The following NMNAT2 variants were observed in gnomAD, a reference collection of about 807,000 sequenced individuals.
The protein encoded by NMNAT2 is nicotinamide nucleotide adenylyltransferase 2.
A neutral mutation model predicts 41.6 loss-of-function variants in NMNAT2; 11 were observed. The observed-to-expected ratio is 0.26, with a 90% CI of 0.17 to 0.44. NMNAT2 has a LOEUF of 0.44. Ranked by LOEUF, NMNAT2 falls within the 20% of genes least tolerant of loss-of-function variation. The probability of loss-of-function intolerance (pLI) is 1.00; values close to 1 mark genes in which losing one functional copy is unlikely to be tolerated. For missense variants in NMNAT2, 288 were observed against 407.7 expected (o/e 0.71, Z 2.53); for synonymous variants, 148 against 151.2 (o/e 0.98, Z 0.16).
intron 3 of NMNAT2, among the ~76,000 whole-genome samples, chr1:183,292,104 A>G (rs973373792): frequency 2.6e-5 from 4 of 152,266 alleles, no homozygotes; most frequent in African/African-American, 9.6e-5. Flanking sequence ...TACAGCACAA[A>G]TGGCATGCCA....
chr1:183,287,907 G>T (rs1424053666), intron 4 of NMNAT2, among the ~76,000 whole-genome samples: 1 of 152,202 alleles, frequency 6.6e-6, no homozygotes, highest in Non-Finnish European at 1.5e-5. Flanking sequence ...GGCAGCATTT[G>T]TCTTGTGGGG....
At position 183,341,742 on chromosome 1, in the gene NMNAT2, A is replaced by AAAAC. The variant is rs1557883730; in HGVS notation, c.86-47950_86-47949insGTTT. ...ACAAACACCAAAAAAAAAAAAAAAA[A>AAAAC]AAAAACCTGTTTCCTTCACTCCAGG... On this transcript the variant is annotated intron_variant, in intron 1 of 10. Transcript: ENST00000287713. 1.6e-3 allele frequency among the ~76,000 whole-genome samples: 226 copies of AAAAC among 137,204 alleles called. 15 individuals carry two copies. The highest frequency in any genetic ancestry group is 6.4e-3 in the African/African-American group (214 of 33,482). 90.0% of individuals were successfully genotyped at this position (137,204 alleles called of 152,430 possible).
At chr1:183,261,855 A>G (rs1186123704) in intron 8 of NMNAT2, among the ~76,000 whole-genome samples, 1 of 152,160 alleles carries the variant, frequency 6.6e-6, no homozygotes, top group East Asian at 1.9e-4. Flanking sequence ...TAGGGAGATG[A>G]TGATGATGAT....
intron 1 of NMNAT2, among the ~76,000 whole-genome samples, chr1:183,335,412 A>G (rs568435513): frequency 1.3e-5 from 2 of 152,356 alleles, no homozygotes; most frequent in Non-Finnish European, 2.9e-5. Context: ...TAAAATGTGA[A>G]TGAACCACCA....
At chr1:183,413,203 C>T (rs375612825) in intron 1 of NMNAT2, among the ~76,000 whole-genome samples, 3 of 152,142 alleles carry the variant, frequency 2.0e-5, no homozygotes, top group Admixed American at 2.0e-4. Flanking sequence ...GCCTTTGCTG[C>T]AGAGTTTACA....
intron 1 of NMNAT2, among the ~76,000 whole-genome samples, chr1:183,386,350 A>G (rs1027284932): frequency 1.3e-5 from 2 of 152,154 alleles, no homozygotes; most frequent in Non-Finnish European, 2.9e-5. Flanking sequence ...ATCTTTACAA[A>G]GTTTCCAATA....
intron 1 of NMNAT2, among the ~76,000 whole-genome samples, chr1:183,301,218 G>C (rs1661842471): frequency 6.6e-6 from 1 of 152,146 alleles, no homozygotes; most frequent in Non-Finnish European, 1.5e-5. Flanking sequence ...AGCATTTCTG[G>C]CAAGCTCCCA....
chr1:183,334,827 C>G (rs910805473), intron 1 of NMNAT2, among the ~76,000 whole-genome samples: 1 of 152,164 alleles, frequency 6.6e-6, no homozygotes, highest in African/African-American at 2.4e-5. Flanking sequence ...ACCCATTCTT[C>G]AGGTCGTGAC....
intron 1 of NMNAT2, among the ~76,000 whole-genome samples, chr1:183,320,364 A>T (rs752281361): frequency 6.6e-6 from 1 of 152,184 alleles, no homozygotes; most frequent in Non-Finnish European, 1.5e-5. Context: ...GCACTTTGGG[A>T]GGCCAAGGTG....
rs1384617981 is a variant in NMNAT2 at position 183,278,523 on chromosome 1, T to C, written c.651+30A>G. 3 of 1,531,210 alleles carry C rather than the reference T, an allele frequency of 2.0e-6. No individual in the cohort carries two copies. In the African/African-American group the frequency reaches 4.1e-5, roughly 21 times the overall value. 94.9% of individuals were successfully genotyped at this position (1,531,210 alleles called of 1,614,324 possible). On this transcript the variant is annotated intron_variant, in intron 8 of 10. Coordinates refer to ENST00000287713, the MANE Select transcript of NMNAT2 (RefSeq NM_015039.4). ...ACTTCCCATCCCTCCCAGTCCCAGCTGGGTGCCAGGCAATAACCTTGCTAC... is the reference window on the plus strand; with the variant it reads ...ACTTCCCATCCCTCCCAGTCCCAGCCGGGTGCCAGGCAATAACCTTGCTAC...
chr1:183,283,982 C>G lies in NMNAT2; in HGVS notation c.574+13G>C. On this transcript the variant is annotated intron_variant, in intron 7 of 10. Transcript: ENST00000287713. ...AATGTCCCCATTTTCCGCACTTTCG[C>G]AGTCCCACTCACCAATCTCTTCATA... 6.2e-7 allele frequency: 1 copy of G among 1,613,888 alleles called. No homozygotes were observed. The highest frequency in any genetic ancestry group is 8.5e-7 in the Non-Finnish European group (1 of 1,179,848).
intron 6 of NMNAT2, among the ~76,000 whole-genome samples, chr1:183,284,285 T>TG (rs1470966525): frequency 2.6e-5 from 4 of 152,244 alleles, no homozygotes; most frequent in African/African-American, 9.6e-5. Flanking sequence ...ACAGCCTGGC[T>TG]GGGGAGCCAA....
chr1:183,367,230 G>A (rs183109522), intron 1 of NMNAT2, among the ~76,000 whole-genome samples: 80 of 152,212 alleles, frequency 5.3e-4, no homozygotes, highest in African/African-American at 1.3e-3. Flanking sequence ...AGGCTGAGGC[G>A]GGCAGATCAC....
chr1:183,326,375 CAAAAAAAAAAAA>C (rs58330585), intron 1 of NMNAT2, among the ~76,000 whole-genome samples: 1 of 69,152 alleles, frequency 1.4e-5, no homozygotes, highest in African/African-American at 6.1e-5. Flanking sequence ...GACTCCATCT[CAAAAAAAAAAAA>C]AAAAAAAAAA....
intron 1 of NMNAT2, among the ~76,000 whole-genome samples, chr1:183,405,941 C>T (rs772080199): frequency 6.6e-6 from 1 of 152,178 alleles, no homozygotes; most frequent in Non-Finnish European, 1.5e-5. Flanking sequence ...GAAGGTACCA[C>T]GTCTTGACAA....
chr1:183,303,068 G>T (rs768223126), intron 1 of NMNAT2, among the ~76,000 whole-genome samples: 2 of 152,206 alleles, frequency 1.3e-5, no homozygotes, highest in Admixed American at 1.3e-4. Context: ...GGGACAAAGC[G>T]AGGTGAGCAG....
At chr1:183,252,874 G>C in intron 10 of NMNAT2, 131 bp from the exon 11 acceptor site, 6 of 655,076 alleles carry the variant, frequency 9.2e-6, no homozygotes, top group Non-Finnish European at 1.4e-5. Flanking sequence ...TCTGTATTAG[G>C]AAAGGCCCTC....
intron 10 of NMNAT2, among the ~76,000 whole-genome samples, chr1:183,258,671 T>TCTGA (rs1246630553): frequency 6.6e-6 from 1 of 152,140 alleles, no homozygotes; most frequent in Non-Finnish European, 1.5e-5. Context: ...GGCTACAAGA[T>TCTGA]CTGACCCTCC....
intron 8 of NMNAT2, among the ~76,000 whole-genome samples, chr1:183,271,222 C>T (rs1376014193): frequency 2.0e-5 from 3 of 152,196 alleles, no homozygotes; most frequent in Non-Finnish European, 2.9e-5. Context: ...TACATGTAAT[C>T]ATTAAACTTA....
Sources: gnomAD v4.1 joint callset for allele counts (sites outside exome capture counted in the v4.1 genomes callset) on GRCh38, gnomAD v4.1.1 for gene constraint, MANE v1.5 for transcripts, NCBI Gene and HGNC (gene_info 2026-07-23, HGNC 2026-07-21) for gene names.